The following CADPS2 variants were observed in gnomAD, a reference collection of about 807,000 sequenced individuals.
CADPS2 encodes the protein calcium-dependent secretion activator 2.
A neutral mutation model predicts 172.5 loss-of-function variants in CADPS2; 93 were observed. The observed-to-expected ratio is 0.54, with a 90% CI of 0.46 to 0.64. The LOEUF is 0.64. Ranked by LOEUF, CADPS2 falls within the 30% of genes least tolerant of loss-of-function variation. The pLI, the probability that CADPS2 is intolerant of heterozygous loss-of-function variation, is 0.00. For synonymous variants in CADPS2, 546 were observed against 555.2 expected (o/e 0.98, Z 0.23); for missense variants, 1,420 against 1,565.9 (o/e 0.91, Z 1.57).
intron 1 of CADPS2, among the ~76,000 whole-genome samples, chr7:122,862,001 C>A (rs927261711): frequency 5.3e-5 from 8 of 152,142 alleles, no homozygotes; most frequent in African/African-American, 1.9e-4. Context: ...TCCATAGAAT[C>A]AGAAAATTTC....
intron 2 of CADPS2, chr7:122,701,829 T>C (rs1362276113): frequency 6.4e-7 from 1 of 1,561,242 alleles, no homozygotes; most frequent in Non-Finnish European, 8.7e-7. Flanking sequence ...ATTCTCCAGA[T>C]TTCTTAAGTT....
chr7:122,821,238 G>A (rs112562629), intron 1 of CADPS2, among the ~76,000 whole-genome samples: 3 of 151,926 alleles, frequency 2.0e-5, no homozygotes, highest in Admixed American at 6.6e-5. Flanking sequence ...TTTATTGATG[G>A]CGGTTCCACC....
chr7:122,522,220 T>A (rs572240509), intron 8 of CADPS2, among the ~76,000 whole-genome samples: 2 of 152,186 alleles, frequency 1.3e-5, no homozygotes, highest in African/African-American at 4.8e-5. Context: ...ATTCAAGAGA[T>A]TCTCGTGCTT....
intron 1 of CADPS2, among the ~76,000 whole-genome samples, chr7:122,756,077 T>A (rs1457543119): frequency 6.6e-6 from 1 of 152,228 alleles, no homozygotes. Context: ...ATCAGGAGTT[T>A]ATGAGCCAAA....
chr7:122,817,064 C>G (rs1403979948), intron 1 of CADPS2, among the ~76,000 whole-genome samples: 2 of 151,684 alleles, frequency 1.3e-5, no homozygotes, highest in Non-Finnish European at 2.9e-5. Context: ...CCACCCATAT[C>G]TCCCTTCGCT....
intron 3 of CADPS2, among the ~76,000 whole-genome samples, chr7:122,649,915 T>TTTTTTTTTTTTTTTTTTTTTTTG: frequency 7.6e-6 from 1 of 131,634 alleles, no homozygotes; most frequent in Non-Finnish European, 1.6e-5. Context: ...TTTTTTTTTT[T>TTTTTTTTTTTTTTTTTTTTTTTG]TTTTTTTTTT....
At chr7:122,449,485 T>G (rs1239260521) in intron 15 of CADPS2, among the ~76,000 whole-genome samples, 1 of 152,038 alleles carries the variant, frequency 6.6e-6, no homozygotes, top group African/African-American at 2.4e-5. Flanking sequence ...CCAGATAATT[T>G]TTTAGTTTTT....
intron 28 of CADPS2, among the ~76,000 whole-genome samples, chr7:122,334,243 A>C (rs570296367): frequency 6.6e-6 from 1 of 152,242 alleles, no homozygotes; most frequent in Admixed American, 6.5e-5. Flanking sequence ...TGCTAACACT[A>C]TGAGTTCAGA....
intron 2 of CADPS2, among the ~76,000 whole-genome samples, chr7:122,699,523 C>G (rs1182029921): frequency 6.6e-6 from 1 of 152,136 alleles, no homozygotes; most frequent in Non-Finnish European, 1.5e-5. Flanking sequence ...ATTTTTACAT[C>G]AAAAAGTAAA....
intron 29 of CADPS2, among the ~76,000 whole-genome samples, chr7:122,320,921 T>C (rs2032318553): frequency 6.6e-6 from 1 of 152,208 alleles, no homozygotes; most frequent in Non-Finnish European, 1.5e-5. Flanking sequence ...TCTTTTGAAA[T>C]TCCCTTGGGA....
chr7:122,577,470 G>C (rs141423301), intron 7 of CADPS2, among the ~76,000 whole-genome samples: 2 of 151,296 alleles, frequency 1.3e-5, no homozygotes, highest in Admixed American at 6.6e-5. Flanking sequence ...ATTTACATTC[G>C]TCTATGCCAC....
chr7:122,461,300 C>A (rs549722183), intron 14 of CADPS2, among the ~76,000 whole-genome samples: 1 of 151,974 alleles, frequency 6.6e-6, no homozygotes, highest in Non-Finnish European at 1.5e-5. Context: ...GTAGAAGAGA[C>A]AATATTTAAA....
intron 12 of CADPS2, 151 bp downstream of exon 12, chr7:122,480,701 G>T: frequency 2.0e-6 from 1 of 512,778 alleles, no homozygotes; most frequent in Non-Finnish European, 3.3e-6. Context: ...GACATTTTTT[G>T]TTTTGTAATC....
At chr7:122,764,366 T>C (rs1040461742) in intron 1 of CADPS2, among the ~76,000 whole-genome samples, 1 of 152,164 alleles carries the variant, frequency 6.6e-6, no homozygotes, top group Non-Finnish European at 1.5e-5. Flanking sequence ...TCAGCAACCA[T>C]AATTGTAGAC....
chr7:122,714,443 G>C (rs573425139), intron 2 of CADPS2, among the ~76,000 whole-genome samples: 1 of 151,500 alleles, frequency 6.6e-6, no homozygotes, highest in Admixed American at 6.6e-5. Flanking sequence ...TAAAATCTTT[G>C]GTAAACAACT....
At chr7:122,417,626 G>C (rs907581822) in intron 17 of CADPS2, among the ~76,000 whole-genome samples, 31 of 152,260 alleles carry the variant, frequency 2.0e-4, no homozygotes, top group African/African-American at 7.2e-4. Flanking sequence ...TCATGACTTT[G>C]CATGACAACC....
chr7:122,722,711 T>C (rs1368727497), intron 2 of CADPS2, among the ~76,000 whole-genome samples: 4 of 114,542 alleles, frequency 3.5e-5, no homozygotes, highest in South Asian at 3.7e-4. Flanking sequence ...AAAAAGAGCC[T>C]GCATTGCCAA....
chr7:122,542,993 C>G (rs1324238793), intron 8 of CADPS2, among the ~76,000 whole-genome samples: 2 of 152,002 alleles, frequency 1.3e-5, no homozygotes, highest in Non-Finnish European at 1.5e-5. Flanking sequence ...AAAATTCCAT[C>G]TAAGTGACTT....
chr7:122,459,666 T>C (rs921353428), intron 14 of CADPS2, among the ~76,000 whole-genome samples: 7 of 152,212 alleles, frequency 4.6e-5, no homozygotes, highest in African/African-American at 9.6e-5. Context: ...ATAAAAATAA[T>C]TGCAGTTGAT....
Sources: allele counts gnomAD v4.1 joint callset (sites outside exome capture counted in the v4.1 genomes callset), GRCh38; gene constraint gnomAD v4.1.1; transcripts MANE v1.5; gene names NCBI Gene and HGNC (gene_info 2026-07-23, HGNC 2026-07-21).